The following FOXN3 variants were observed in gnomAD, a reference collection of about 807,000 sequenced individuals.
FOXN3 encodes forkhead box protein N3.
FOXN3 carries 7 observed loss-of-function variants against 38.4 expected under a neutral mutation model. That is an observed-to-expected ratio of 0.18 (90% CI 0.10 to 0.34). The LOEUF is 0.34. FOXN3 is among the 10% of genes least tolerant of loss of function. FOXN3 has a pLI of 1.00. For synonymous variants in FOXN3, 230 were observed against 242.2 expected, an observed-to-expected ratio of 0.95 and a Z score of 0.47; for missense variants, 456 against 613.4, an observed-to-expected ratio of 0.74 and a Z score of 2.71.
chr14:89,421,516 C>T (rs1196096350), upstream of FOXN3, among the ~76,000 whole-genome samples: 2 of 130,882 alleles, frequency 1.5e-5, no homozygotes, highest in African/African-American at 5.8e-5. Flanking sequence ...TATGGTGTTT[C>T]CACCCAGGGA....
intron 4 of FOXN3, among the ~76,000 whole-genome samples, chr14:89,194,256 A>C (rs1271894432): frequency 6.6e-6 from 1 of 152,188 alleles, no homozygotes; most frequent in Non-Finnish European, 1.5e-5. Context: ...CCTACCCTAA[A>C]ATTGCAAAGA....
intron 3 of FOXN3, chr14:89,291,508 AGG>A: frequency 1.7e-6 from 1 of 592,362 alleles, no homozygotes; most frequent in South Asian, 1.4e-5. Flanking sequence ...CGCCATCCCC[AGG>A]GGGCCTGTGG....
At chr14:89,573,566 G>A (rs566482617) in intron 1 of FOXN3, among the ~76,000 whole-genome samples, 2 of 152,118 alleles carry the variant, frequency 1.3e-5, no homozygotes, top group East Asian at 1.9e-4. Context: ...TCCAAATCCC[G>A]TTAAGGAAGA....
intron 3 of FOXN3, chr14:89,290,765 T>G (rs1029213383): frequency 1.0e-5 from 3 of 298,842 alleles, no homozygotes; most frequent in African/African-American, 6.8e-5. Context: ...TATATAGGCC[T>G]TCTGGTCATC....
chr14:89,258,898 C>T lies in FOXN3; in HGVS notation c.745+22052G>A, dbSNP rs72701604. Among the ~76,000 whole-genome samples, 241 of 152,356 alleles carry T rather than the reference C, an allele frequency of 1.6e-3. 1 individual carries two copies. Among genetic ancestry groups the T allele is most frequent in the Non-Finnish European group, 2.7e-3 (181 of 68,042 alleles). On this transcript the variant is annotated intron_variant, in intron 4 of 5. Transcript: ENST00000557258. ...CCTTACTAGGCTCACTTCCTCTGAG[C>T]TTCACCTCTCACATCCTCTCACATG...
At chr14:89,201,573 C>T (rs77216150) in intron 4 of FOXN3, among the ~76,000 whole-genome samples, 3,609 of 152,268 alleles carry the variant, frequency 0.024, 54 homozygotes, top group Non-Finnish European at 0.029. Flanking sequence ...GGATGTGCCA[C>T]GGCCAGAAGC....
intron 1 of FOXN3, among the ~76,000 whole-genome samples, chr14:89,567,870 C>T (rs1309457832): frequency 6.6e-6 from 1 of 151,904 alleles, no homozygotes; most frequent in Non-Finnish European, 1.5e-5. Flanking sequence ...TTACAGGTGC[C>T]CGCCACTACG....
chr14:89,541,424 G>A (rs1894788831), intron 1 of FOXN3, among the ~76,000 whole-genome samples: 1 of 152,048 alleles, frequency 6.6e-6, no homozygotes, highest in Non-Finnish European at 1.5e-5. Context: ...AAACCAAGAT[G>A]GCCACCACAG....
rs754939062 is a variant in FOXN3 at position 89,411,958 on chromosome 14, C to T, written c.519G>A (p.Lys173=). ...RHNLSLNKCF[K]KVDKERSQSI... ...CCTGACTCCTCTCTTTGTCCACTTT[C>T]TTAAAACACTTATTCAATGATAAAT... is the stretch of plus-strand genomic sequence containing the variant. Residue 173 remains lysine, a synonymous_variant, in exon 2 of 6, where the codon AAG becomes AAA. Transcript: ENST00000557258. 2 of 1,541,878 alleles carry T rather than the reference C, an allele frequency of 1.3e-6. No homozygotes were observed. The highest frequency in any genetic ancestry group is 1.2e-5 in the South Asian group (1 of 80,730).
intron 1 of FOXN3, among the ~76,000 whole-genome samples, chr14:89,552,678 C>T (rs1895029620): frequency 6.6e-6 from 1 of 152,044 alleles, no homozygotes; most frequent in Non-Finnish European, 1.5e-5. Flanking sequence ...GGCAAACATG[C>T]CAAAACCCCG....
chr14:89,590,058 CCTA>C (rs1895919383), intron 1 of FOXN3, among the ~76,000 whole-genome samples: 1 of 152,140 alleles, frequency 6.6e-6, no homozygotes, highest in Non-Finnish European at 1.5e-5. Context: ...GGAGAAGGAA[CCTA>C]CTAAGAGTTG....
intron 1 of FOXN3, among the ~76,000 whole-genome samples, chr14:89,592,767 A>G (rs1306988755): frequency 2.0e-5 from 3 of 152,164 alleles, no homozygotes; most frequent in African/African-American, 7.2e-5. Flanking sequence ...AATGTAGCAA[A>G]CCAAAAGAGA....
Position 89,350,776 on chromosome 14 carries a change from G to A in FOXN3, c.576C>T (p.Asp192=), listed in dbSNP as rs2140008331. 1.9e-6 allele frequency: 3 copies of A among 1,592,744 alleles called. No individual in the cohort carries two copies. The highest frequency in any genetic ancestry group is 2.6e-6 in the Non-Finnish European group (3 of 1,172,428). Reference sequence around the variant, plus strand: ...GAATTAGATTTTGTCTATACTCTGGGTCTATGCACCACAACGACCCTTTCC... The same window carrying A: ...GAATTAGATTTTGTCTATACTCTGGATCTATGCACCACAACGACCCTTTCC... ...SIGKGSLWCI[D]PEYRQNLIQA... Residue 192 remains aspartate (D), a synonymous_variant, in exon 3 of 6, where the codon GAC becomes GAT. Coordinates refer to ENST00000557258, the MANE Select transcript of FOXN3 (RefSeq NM_005197.4).
intron 1 of FOXN3, among the ~76,000 whole-genome samples, chr14:89,553,238 C>CAAAAA (rs146581490): frequency 2.5e-5 from 2 of 79,030 alleles, no homozygotes; most frequent in Non-Finnish European, 4.8e-5. Flanking sequence ...GACCCTGTCC[C>CAAAAA]AAAAAAAAAA....
chr14:89,481,454 C>T (rs1893327741), intron 1 of FOXN3, among the ~76,000 whole-genome samples: 1 of 152,004 alleles, frequency 6.6e-6, no homozygotes, highest in African/African-American at 2.4e-5. Context: ...TCCTGGCTCA[C>T]GGCTGGAACT....
intron 3 of FOXN3, among the ~76,000 whole-genome samples, chr14:89,327,847 C>T (rs867400571): frequency 8.5e-4 from 129 of 152,266 alleles, no homozygotes; most frequent in African/African-American, 3.1e-3. Context: ...TCAGAAGGAA[C>T]GTTAGAGATG....
intron 1 of FOXN3, among the ~76,000 whole-genome samples, chr14:89,606,724 C>T (rs1004059976): frequency 1.2e-4 from 19 of 152,146 alleles, no homozygotes; most frequent in Non-Finnish European, 2.4e-4. Context: ...GTGGCGCACG[C>T]CTGTAATCCC....
chr14:89,585,749 C>T (rs1355474054), intron 1 of FOXN3, among the ~76,000 whole-genome samples: 1 of 82,868 alleles, frequency 1.2e-5, no homozygotes, highest in Non-Finnish European at 2.4e-5. Flanking sequence ...CACTGCTTCA[C>T]TTGACTAGAA....
At chr14:89,418,284 C>T (rs749754482), upstream of FOXN3, among the ~76,000 whole-genome samples, 2 of 151,802 alleles carry the variant, frequency 1.3e-5, no homozygotes, top group Non-Finnish European at 2.9e-5. Context: ...CTGAAAACTA[C>T]AGAAAAAAAC....
Sources: gnomAD v4.1 joint callset for allele counts (sites outside exome capture counted in the v4.1 genomes callset) on GRCh38, gnomAD v4.1.1 for gene constraint, MANE v1.5 for transcripts, NCBI Gene and HGNC (gene_info 2026-07-23, HGNC 2026-07-21) for gene names.